CNBD1: variants seen among roughly 807,000 people sequenced by gnomAD.
The protein encoded by CNBD1 is cyclic nucleotide-binding domain-containing protein 1.
Under a neutral mutation model 54.4 loss-of-function variants are expected in CNBD1, and 71 were observed. That is an observed-to-expected ratio of 1.30 (90% CI 1.08 to 1.59). The LOEUF is 1.59. CNBD1 is among the 40% of genes most tolerant of loss of function. The pLI, the probability that CNBD1 is intolerant of heterozygous loss-of-function variation, is 0.00. For synonymous variants in CNBD1, 182 were observed against 170.7 expected (o/e 1.07, Z -0.51); for missense variants, 659 against 518.0 (o/e 1.27, Z -2.64).
intron 4 of CNBD1, among the ~76,000 whole-genome samples, chr8:87,133,042 A>G (rs1258091990): frequency 6.6e-6 from 1 of 151,770 alleles, no homozygotes; most frequent in Non-Finnish European, 1.5e-5. Context: ...TAATCCCTAA[A>G]GGATGTATAT....
chr8:87,139,175 A>G (rs1208784801), intron 4 of CNBD1, among the ~76,000 whole-genome samples: 1 of 152,206 alleles, frequency 6.6e-6, no homozygotes, highest in Non-Finnish European at 1.5e-5. Context: ...TTTTCAAACT[A>G]GGCCTTGGCT....
chr8:87,187,452 T>C (rs1008280028), intron 4 of CNBD1, among the ~76,000 whole-genome samples: 1 of 149,314 alleles, frequency 6.7e-6, no homozygotes. Flanking sequence ...GGGAATAATA[T>C]ATTTCATATA....
intron 3 of CNBD1, among the ~76,000 whole-genome samples, chr8:86,909,532 T>G (rs1244679152): frequency 6.6e-6 from 1 of 152,184 alleles, no homozygotes; most frequent in African/African-American, 2.4e-5. Context: ...CAGTGTGGTT[T>G]TTTTTTTATT....
intron 4 of CNBD1, among the ~76,000 whole-genome samples, chr8:86,966,585 G>A (rs984022615): frequency 5.9e-5 from 9 of 152,218 alleles, no homozygotes; most frequent in East Asian, 3.9e-4. Flanking sequence ...CATTCCTCCC[G>A]GTGGGTTCAT....
intron 4 of CNBD1, among the ~76,000 whole-genome samples, chr8:87,150,756 T>C (rs1015630263): frequency 6.6e-6 from 1 of 152,118 alleles, no homozygotes; most frequent in African/African-American, 2.4e-5. Flanking sequence ...ATTGATACTT[T>C]TTGAAGTTAG....
intron 4 of CNBD1, among the ~76,000 whole-genome samples, chr8:87,187,037 C>T (rs1286138637): frequency 6.6e-6 from 1 of 152,022 alleles, no homozygotes. Flanking sequence ...TATTGAAGTA[C>T]ATAATTGACA....
intron 4 of CNBD1, among the ~76,000 whole-genome samples, chr8:87,144,169 C>A (rs1812433913): frequency 6.6e-6 from 1 of 152,168 alleles, no homozygotes. Context: ...AAGCTTGGAA[C>A]CTTGAAGGGA....
intron 4 of CNBD1, among the ~76,000 whole-genome samples, chr8:87,156,535 C>T (rs1002992520): frequency 2.6e-5 from 4 of 151,908 alleles, no homozygotes; most frequent in African/African-American, 9.7e-5. Context: ...TGAGCCACCG[C>T]ACCTGGCCTC....
chr8:87,353,950 G>A, intron 10 of CNBD1, 164 bp downstream of exon 10: 1 of 505,052 alleles, frequency 2.0e-6, no homozygotes, highest in Non-Finnish European at 3.5e-6. Context: ...TTCTCTCTTG[G>A]TGAATTTTGA....
intron 4 of CNBD1, among the ~76,000 whole-genome samples, chr8:87,187,671 G>A (rs940348388): frequency 2.0e-5 from 3 of 152,090 alleles, no homozygotes; most frequent in Admixed American, 6.5e-5. Flanking sequence ...AGGACAAATT[G>A]CTTGCCTAAC....
intron 8 of CNBD1, among the ~76,000 whole-genome samples, chr8:87,295,521 C>A (rs1808862383): frequency 6.6e-6 from 1 of 151,814 alleles, no homozygotes; most frequent in Non-Finnish European, 1.5e-5. Flanking sequence ...TAAAATTAAA[C>A]ACCTTTTAAT....
chr8:86,959,285 T>A (rs934873930), intron 4 of CNBD1, among the ~76,000 whole-genome samples: 1 of 152,240 alleles, frequency 6.6e-6, no homozygotes, highest in African/African-American at 2.4e-5. Context: ...CTTAACATTT[T>A]TTCCTTCATT....
chr8:87,341,079 C>T (rs1442462246), intron 8 of CNBD1, among the ~76,000 whole-genome samples: 1 of 152,126 alleles, frequency 6.6e-6, no homozygotes, highest in Non-Finnish European at 1.5e-5. Flanking sequence ...ATTCTTTGGG[C>T]TTCTCAAGCC....
At chr8:87,094,761 G>A (rs1811283736) in intron 4 of CNBD1, among the ~76,000 whole-genome samples, 1 of 152,200 alleles carries the variant, frequency 6.6e-6, no homozygotes, top group Admixed American at 6.5e-5. Flanking sequence ...TTATGGGCCA[G>A]GTGCAGTGGC....
In CNBD1 at chr8:87,317,616, T is replaced by C. The variant is rs1048758480; in HGVS notation, c.1042+30945T>C. Reference sequence around the variant, plus strand: ...CATTTTGGCCAAAGATCATGTTTTGTATTATTTGAATTGCCTTAAGTTTAT... The same window carrying C: ...CATTTTGGCCAAAGATCATGTTTTGCATTATTTGAATTGCCTTAAGTTTAT... On this transcript the variant is annotated intron_variant, in intron 8 of 10. Transcript: ENST00000518476. 5.3e-5 allele frequency among the ~76,000 whole-genome samples: 8 copies of C among 152,070 alleles called. No homozygotes were observed. The East Asian group carries it at 1.5e-3, about 29-fold the overall frequency.
At position 86,982,359 on chromosome 8, in the gene CNBD1, G is replaced by A. The variant is rs938953418; in HGVS notation, c.431+42605G>A. On this transcript the variant is annotated intron_variant, in intron 4 of 10. Coordinates refer to ENST00000518476, the MANE Select transcript of CNBD1 (RefSeq NM_173538.3). ...TTTACTTCCTTGTGTCTTTCAAAGA[G>A]CAAAAGGTTTTAATATGTCACAAAA... Among the ~76,000 whole-genome samples the A allele has an allele frequency of 1.2e-4, 18 of 152,200 alleles. No individual in the cohort carries two copies. The Middle Eastern group carries it at 0.01, about 86-fold the overall frequency.
chr8:87,041,836 G>T (rs980921325), intron 4 of CNBD1, among the ~76,000 whole-genome samples: 5 of 152,116 alleles, frequency 3.3e-5, no homozygotes, highest in African/African-American at 1.2e-4. Context: ...TATTGAGCAG[G>T]AGAGGGAATG....
intron 4 of CNBD1, among the ~76,000 whole-genome samples, chr8:87,132,467 T>C (rs957682889): frequency 6.6e-6 from 1 of 151,100 alleles, no homozygotes; most frequent in Non-Finnish European, 1.5e-5. Flanking sequence ...TTTTGGAAGT[T>C]CAGTGGTTTG....
chr8:87,114,482 C>G (rs1208081192), intron 4 of CNBD1, among the ~76,000 whole-genome samples: 1 of 152,126 alleles, frequency 6.6e-6, no homozygotes, highest in Non-Finnish European at 1.5e-5. Flanking sequence ...TTCCAGGTAG[C>G]TGGGTTTACA....
Sources: gnomAD v4.1 joint callset for allele counts (sites outside exome capture counted in the v4.1 genomes callset) on GRCh38, gnomAD v4.1.1 for gene constraint, MANE v1.5 for transcripts, NCBI Gene and HGNC (gene_info 2026-07-23, HGNC 2026-07-21) for gene names.